The following HS6ST2 variants were observed in gnomAD, a reference collection of about 807,000 sequenced individuals.
HS6ST2 encodes the protein heparan sulfate 6-O-sulfotransferase 2, also known as heparan-sulfate 6-O-sulfotransferase 2.
A neutral mutation model predicts 33.0 loss-of-function variants in HS6ST2; 17 were observed. The ratio of observed to expected loss-of-function variants is 0.52; its 90% CI spans 0.35 to 0.77. HS6ST2 has a LOEUF of 0.77. HS6ST2 is among the 30% of genes least tolerant of loss of function. The probability of loss-of-function intolerance (pLI) is 0.01; values close to 1 mark genes in which losing one functional copy is unlikely to be tolerated. For missense variants in HS6ST2, 519 were observed against 551.7 expected (o/e 0.94, Z 0.59); for synonymous variants, 248 against 237.1 (o/e 1.05, Z -0.42).
chrX:132,926,287 A>T (rs1182506104), intron 2 of HS6ST2, among the ~76,000 whole-genome samples: 1 of 112,449 alleles, frequency 8.9e-6, no homozygotes, highest in Admixed American at 9.4e-5. Context: ...GTTGTTCTCC[A>T]CTGCTCTTGG....
chrX:132,880,360 A>C (rs1161806278), intron 2 of HS6ST2, among the ~76,000 whole-genome samples: 1 of 109,915 alleles, frequency 9.1e-6, no homozygotes, highest in Non-Finnish European at 1.9e-5. Context: ...ACATGGTGAA[A>C]CACTGTCTCT....
intron 2 of HS6ST2, among the ~76,000 whole-genome samples, chrX:132,932,775 C>T (rs892820882): frequency 2.8e-5 from 3 of 106,908 alleles, no homozygotes; most frequent in African/African-American, 1.0e-4. Context: ...GACAATGTCT[C>T]ATTAAATATA....
At chrX:132,828,465 C>T (rs1367064586) in intron 2 of HS6ST2, among the ~76,000 whole-genome samples, 3 of 108,547 alleles carry the variant, frequency 2.8e-5, no homozygotes, top group South Asian at 4.0e-4. Context: ...TGTAAGGTGG[C>T]AGAAATCCGA....
At chrX:132,639,347 C>T (rs1448404217) in intron 4 of HS6ST2, among the ~76,000 whole-genome samples, 2 of 112,078 alleles carry the variant, frequency 1.8e-5, no homozygotes, top group Non-Finnish European at 3.8e-5. Flanking sequence ...AATTGCTTGA[C>T]ATCATGAAAA....
At chrX:132,960,607 A>G (rs183891731), upstream of HS6ST2, among the ~76,000 whole-genome samples, 1 of 110,471 alleles carries the variant, frequency 9.1e-6, no homozygotes, top group East Asian at 2.9e-4. Context: ...TGAGTTGTGA[A>G]AAGGAAGGTG....
intron 2 of HS6ST2, among the ~76,000 whole-genome samples, chrX:132,914,722 T>C (rs765285310): frequency 8.9e-6 from 1 of 111,794 alleles, no homozygotes; most frequent in Admixed American, 9.5e-5. Context: ...AGATTCAATA[T>C]CTTGATGCGA....
intron 2 of HS6ST2, among the ~76,000 whole-genome samples, chrX:132,728,758 C>T (rs2064423842): frequency 8.9e-6 from 1 of 112,416 alleles, no homozygotes; most frequent in Non-Finnish European, 1.9e-5. Flanking sequence ...GTTGTGAAGG[C>T]ACTTAGATCC....
intron 2 of HS6ST2, among the ~76,000 whole-genome samples, chrX:132,834,877 A>G (rs1207558298): frequency 4.5e-5 from 5 of 112,050 alleles, no homozygotes; most frequent in Admixed American, 1.9e-4. Context: ...ACATGAGGGC[A>G]TAGGTGGCTC....
At chrX:132,905,157 T>C (rs957640733) in intron 2 of HS6ST2, among the ~76,000 whole-genome samples, 4 of 111,916 alleles carry the variant, frequency 3.6e-5, no homozygotes, top group Non-Finnish European at 7.5e-5. Flanking sequence ...TTTGCAAATA[T>C]CTTCTTCCAA....
intron 2 of HS6ST2, among the ~76,000 whole-genome samples, chrX:132,941,641 A>G (rs989953212): frequency 8.9e-6 from 1 of 112,398 alleles, no homozygotes; most frequent in Non-Finnish European, 1.9e-5. Context: ...TCAAACACAC[A>G]TCACTTGCTT....
chrX:132,783,169 T>C (rs1192256643), intron 2 of HS6ST2, among the ~76,000 whole-genome samples: 2 of 111,703 alleles, frequency 1.8e-5, no homozygotes, highest in African/African-American at 6.5e-5. Flanking sequence ...ATTGGGATAG[T>C]AATCATAGGC....
chrX:132,958,342 G>A lies in HS6ST2; in HGVS notation c.261C>T (p.Phe87=). Residue 87 remains phenylalanine, a synonymous_variant, in exon 1 of 5, where the codon TTC becomes TTT. Transcript: ENST00000370833. ...SLAGAACAPL[F]ALLSRGRRRR... ...TGCGGCGGCCCCGGGACAGCAGCGC[G>A]AAAAGCGGGGCGCACGCGGCTCCCG... is the stretch of plus-strand genomic sequence containing the variant. 1 of 1,198,526 alleles carries A rather than the reference G, an allele frequency of 8.3e-7. No individual in the cohort carries two copies. Among genetic ancestry groups the A allele is most frequent in the Admixed American group, 2.2e-5 (1 of 45,906 alleles).
intron 2 of HS6ST2, among the ~76,000 whole-genome samples, chrX:132,823,822 T>A (rs989751349): frequency 6.8e-5 from 7 of 103,577 alleles, no homozygotes; most frequent in African/African-American, 2.5e-4. Context: ...ACCACTGTAC[T>A]CCAGCCTGGG....
chrX:132,746,546 A>G (rs1220648724), intron 2 of HS6ST2, among the ~76,000 whole-genome samples: 1 of 111,873 alleles, frequency 8.9e-6, no homozygotes, highest in African/African-American at 3.2e-5. Flanking sequence ...CACCAACCTA[A>G]TACATTTAGA....
chrX:132,944,026 A>G (rs1472996296), intron 2 of HS6ST2, among the ~76,000 whole-genome samples: 1 of 111,357 alleles, frequency 9.0e-6, no homozygotes, highest in Non-Finnish European at 1.9e-5. Context: ...AGGCAGGAGA[A>G]GGAAATAAAG....
intron 2 of HS6ST2, among the ~76,000 whole-genome samples, chrX:132,831,231 A>C (rs1232477575): frequency 9.0e-6 from 1 of 111,436 alleles, no homozygotes; most frequent in Admixed American, 9.6e-5. Context: ...AAACCTGACA[A>C]AGAGAGGACA....
At chrX:132,930,991 G>A (rs1471769831) in intron 2 of HS6ST2, among the ~76,000 whole-genome samples, 4 of 111,361 alleles carry the variant, frequency 3.6e-5, no homozygotes, top group African/African-American at 1.3e-4. Context: ...CTAAAACCAA[G>A]AAAATTGTGA....
rs760257099 is a variant in HS6ST2, at chrX:132,628,562, G to A, written c.1599C>T (p.Asp533=). Reference sequence around the variant, plus strand: ...TAAACTGATACCTCTGCAAAAAAAGGTCTTTGGCATAGCTGTACAACTCCA... The same window carrying A: ...TAAACTGATACCTCTGCAAAAAAAGATCTTTGGCATAGCTGTACAACTCCA... ...LDMELYSYAK[D]LFLQRYQFMR... is the part of the protein sequence containing the mutation. The change falls in exon 5 of 5, where the codon GAC becomes GAT. Residue 533 remains aspartate, a synonymous_variant. Coordinates refer to ENST00000370833, the MANE Select transcript of HS6ST2 (RefSeq NM_001394073.1). 1 of 1,211,087 alleles carries A rather than the reference G, an allele frequency of 8.3e-7. No homozygotes were observed. The highest frequency in any genetic ancestry group is 3.0e-5 in the East Asian group (1 of 33,827).
intron 2 of HS6ST2, among the ~76,000 whole-genome samples, chrX:132,923,531 C>T: frequency 1.8e-5 from 2 of 111,742 alleles, no homozygotes; most frequent in South Asian, 7.6e-4. Context: ...ATGTTTTGCT[C>T]CCCCAGTGAT....
Sources: allele counts gnomAD v4.1 joint callset (sites outside exome capture counted in the v4.1 genomes callset), GRCh38; gene constraint gnomAD v4.1.1; transcripts MANE v1.5; gene names NCBI Gene and HGNC (gene_info 2026-07-23, HGNC 2026-07-21).